The following ARNT2 variants were observed in gnomAD, a reference collection of about 807,000 sequenced individuals.
The protein encoded by ARNT2 is ARNT protein 2.
A neutral mutation model predicts 91.7 loss-of-function variants in ARNT2; 36 were observed. The observed-to-expected ratio is 0.39, with a 90% confidence interval of 0.30 to 0.52. ARNT2 has a LOEUF of 0.52. Among genes scored for constraint, ARNT2 ranks in the 20% least tolerant of loss-of-function variants. The probability of loss-of-function intolerance (pLI) is 0.72; values close to 1 mark genes in which losing one functional copy is unlikely to be tolerated. For missense variants in ARNT2, 775 were observed against 939.3 expected (o/e 0.83, Z 2.29); for synonymous variants, 365 against 347.1 (o/e 1.05, Z -0.57).
intron 8 of ARNT2, among the ~76,000 whole-genome samples, chr15:80,549,206 A>G (rs1474885773): frequency 2.0e-5 from 3 of 152,198 alleles, no homozygotes; most frequent in Non-Finnish European, 4.4e-5. Flanking sequence ...TAATATCCCA[A>G]AACTCCCAAA....
intron 5 of ARNT2, among the ~76,000 whole-genome samples, chr15:80,505,735 T>G (rs1306298930): frequency 6.6e-6 from 1 of 152,082 alleles, no homozygotes; most frequent in Non-Finnish European, 1.5e-5. Context: ...TTTGAGCAAC[T>G]GGGTAGTGGT....
chr15:80,430,253 G>C (rs1895989227), intron 1 of ARNT2, among the ~76,000 whole-genome samples: 2 of 152,162 alleles, frequency 1.3e-5, no homozygotes, highest in South Asian at 4.2e-4. Context: ...GAGATCCTGA[G>C]TTGGAGATCT....
chr15:80,468,951 C>T (rs1009171557), intron 3 of ARNT2, among the ~76,000 whole-genome samples: 2 of 152,210 alleles, frequency 1.3e-5, no homozygotes, highest in African/African-American at 4.8e-5. Context: ...GGCTGACTGG[C>T]ACGTCTGTTC....
At chr15:80,472,583 A>G (rs140089351) in intron 4 of ARNT2, among the ~76,000 whole-genome samples, 68 of 152,338 alleles carry the variant, frequency 4.5e-4, no homozygotes, top group African/African-American at 1.5e-3. Context: ...CCCAGTGGTC[A>G]TGGGAGCCCT....
chr15:80,434,130 C>T (rs1413556036), intron 1 of ARNT2: 2 of 152,246 alleles, frequency 1.3e-5, no homozygotes, highest in African/African-American at 2.4e-5. Context: ...AAAAAGGCTT[C>T]TGGCTTCCAT....
chr15:80,524,479 A>G (rs771715863), intron 8 of ARNT2, among the ~76,000 whole-genome samples: 12 of 152,220 alleles, frequency 7.9e-5, no homozygotes, highest in Non-Finnish European at 1.6e-4. Flanking sequence ...CCTCATATTA[A>G]TCTACATTTC....
chr15:80,422,039 A>G, intron 1 of ARNT2, among the ~76,000 whole-genome samples: 1 of 152,260 alleles, frequency 6.6e-6, no homozygotes, highest in East Asian at 1.9e-4. Context: ...GCACAGAATC[A>G]GAGTTCAAAA....
intron 8 of ARNT2, among the ~76,000 whole-genome samples, chr15:80,542,643 G>A (rs953215028): frequency 6.6e-6 from 1 of 152,122 alleles, no homozygotes; most frequent in African/African-American, 2.4e-5. Context: ...AAAAAAATCT[G>A]CGGAAGTTCT....
At chr15:80,567,494 A>G (rs1410237276) in intron 12 of ARNT2, among the ~76,000 whole-genome samples, 1 of 152,216 alleles carries the variant, frequency 6.6e-6, no homozygotes, top group Non-Finnish European at 1.5e-5. Flanking sequence ...GGTAGAATGC[A>G]ATGGGGGCAG....
chr15:80,493,649 C>T (rs1897086208), intron 5 of ARNT2, among the ~76,000 whole-genome samples: 1 of 152,230 alleles, frequency 6.6e-6, no homozygotes, highest in Non-Finnish European at 1.5e-5. Context: ...TGTTCTCTCT[C>T]TCCTGCTTGG....
Position 80,464,812 on chromosome 15 carries a change from G to A in ARNT2, c.195-5406G>A, listed in dbSNP as rs1444803404. ...GGCCATGAAGGATGTTCCTGGAAAG[G>A]TACAGTCTTCCTTCCCGAGTGTCAC... is the stretch of plus-strand genomic sequence containing the variant. On this transcript the variant is annotated intron_variant, in intron 3 of 18. Transcript: ENST00000303329. Among the ~76,000 whole-genome samples, 6 of 152,284 alleles carry A rather than the reference G, an allele frequency of 3.9e-5. No individual in the cohort carries two copies. The East Asian group carries it at 1.2e-3, about 29-fold the overall frequency.
At chr15:80,495,483 T>C (rs1215757826) in intron 5 of ARNT2, among the ~76,000 whole-genome samples, 2 of 152,218 alleles carry the variant, frequency 1.3e-5, no homozygotes, top group African/African-American at 4.8e-5. Context: ...GCAAATCATA[T>C]GAATTTTCCT....
chr15:80,450,307 T>C (rs1007229862), intron 1 of ARNT2, among the ~76,000 whole-genome samples: 1 of 152,212 alleles, frequency 6.6e-6, no homozygotes, highest in Admixed American at 6.5e-5. Flanking sequence ...GAAGTGATGC[T>C]TTTAACACCC....
At chr15:80,545,726 T>C (rs940838766) in intron 8 of ARNT2, among the ~76,000 whole-genome samples, 1 of 152,212 alleles carries the variant, frequency 6.6e-6, no homozygotes. Flanking sequence ...TAAATGTTAA[T>C]GAGTCCCATC....
At chr15:80,450,732 A>G in intron 1 of ARNT2, 148 bp from the exon 2 acceptor site, 1 of 767,046 alleles carries the variant, frequency 1.3e-6, no homozygotes, top group Non-Finnish European at 2.3e-6. Flanking sequence ...TGCCCCAGCC[A>G]CATAGCTGAT....
chr15:80,475,009 G>A lies in ARNT2; in HGVS notation c.409-1G>A. 2 of 1,613,944 alleles carry A rather than the reference G, an allele frequency of 1.2e-6. No homozygotes were observed. The highest frequency in any genetic ancestry group is 1.7e-6 in the Non-Finnish European group (2 of 1,180,000). The stretch of plus-strand genomic sequence containing the variant: ...TGCCAATCATAATCTTTTCTTTATA[G>A]GAACTGAAGCATCTCATCCTTGAAG... On this transcript the variant is annotated splice_acceptor_variant, in intron 4 of 18. Transcript: ENST00000303329. LOFTEE classifies it high-confidence loss of function.
At chr15:80,429,406 C>G (rs1339448433) in intron 1 of ARNT2, among the ~76,000 whole-genome samples, 1 of 152,228 alleles carries the variant, frequency 6.6e-6, no homozygotes, top group Non-Finnish European at 1.5e-5. Flanking sequence ...ATTTAGGGAA[C>G]CTCCCGGTTG....
chr15:80,516,828 AATATATATATATAT>A (rs56146872), intron 8 of ARNT2, among the ~76,000 whole-genome samples: 11 of 74,804 alleles, frequency 1.5e-4, no homozygotes, highest in South Asian at 4.6e-4. Context: ...TACAATTACA[AATATATATATATAT>A]ATATATATAT....
chr15:80,572,292 C>G (rs151030875), intron 12 of ARNT2, among the ~76,000 whole-genome samples: 2,484 of 152,152 alleles, frequency 0.016, 38 homozygotes, highest in Admixed American at 0.05. Context: ...ATGGGGGCCT[C>G]CAGATTCTCA....
Sources: allele counts gnomAD v4.1 joint callset (sites outside exome capture counted in the v4.1 genomes callset), GRCh38; gene constraint gnomAD v4.1.1; transcripts MANE v1.5; gene names NCBI Gene and HGNC (gene_info 2026-07-23, HGNC 2026-07-21).